The following ATP10A variants were observed in gnomAD, a reference collection of about 807,000 sequenced individuals.
The protein encoded by ATP10A is ATPase phospholipid transporting 10A (putative), also known as phospholipid-transporting ATPase VA.
A neutral mutation model predicts 147.8 loss-of-function variants in ATP10A; 111 were observed. That is an observed-to-expected ratio of 0.75 (90% confidence interval 0.64 to 0.88). The LOEUF (loss-of-function observed/expected upper bound fraction) is 0.88. Ranked by LOEUF, ATP10A falls within the 40% of genes least tolerant of loss-of-function variation. ATP10A has a pLI of 0.00. For synonymous variants in ATP10A, 875 were observed against 841.6 expected (o/e 1.04, Z -0.69); for missense variants, 1,927 against 1,959.0 (o/e 0.98, Z 0.31).
At chr15:25,837,523 A>G (rs1892647290) in intron 1 of ATP10A, among the ~76,000 whole-genome samples, 1 of 152,158 alleles carries the variant, frequency 6.6e-6, no homozygotes, top group Non-Finnish European at 1.5e-5. Flanking sequence ...CGGTAGTCAC[A>G]GGGCAGGAAG....
chr15:25,850,761 G>C lies in ATP10A; in HGVS notation c.449+11887C>G, dbSNP rs1230414136. Among the ~76,000 whole-genome samples the C allele has an allele frequency of 2.0e-5, 3 of 151,474 alleles. No homozygotes were observed. The Admixed American group carries it at 2.0e-4, about 10-fold the overall frequency. ...TGCACAGAGCACCTAAGGGCCCAAA[G>C]ATCACATCTGAACAAAGGATGGAAC... On this transcript the variant is annotated intron_variant, in intron 1 of 20. Transcript: ENST00000555815.
At chr15:25,691,104 G>T (rs930461150) in intron 15 of ATP10A, among the ~76,000 whole-genome samples, 2 of 152,148 alleles carry the variant, frequency 1.3e-5, no homozygotes, top group Admixed American at 6.5e-5. Context: ...CGGATAAATT[G>T]TTCCCTAAAA....
At chr15:25,858,158 C>T (rs1359267896) in intron 1 of ATP10A, among the ~76,000 whole-genome samples, 3 of 152,130 alleles carry the variant, frequency 2.0e-5, no homozygotes, top group Non-Finnish European at 2.9e-5. Context: ...ATTCCGCAAG[C>T]GTCCAGTGCC....
chr15:25,687,702 C>T lies in ATP10A; in HGVS notation c.3291+1G>A, dbSNP rs1021461355. On this transcript the variant is annotated splice_donor_variant, in intron 16 of 20. Transcript: ENST00000555815. LOFTEE classifies it high-confidence loss of function. ...ACTCTAGACAGGTATCCAATACCTACTGTGTTTTTGTAGAAGAAGTACAGC... is the reference window on the plus strand; with the variant it reads ...ACTCTAGACAGGTATCCAATACCTATTGTGTTTTTGTAGAAGAAGTACAGC... The T allele has an allele frequency of 1.3e-6, 2 of 1,587,672 alleles. No individual in the cohort carries two copies. The highest frequency in any genetic ancestry group is 1.7e-6 in the Non-Finnish European group (2 of 1,164,578).
intron 1 of ATP10A, among the ~76,000 whole-genome samples, chr15:25,782,924 C>A (rs1387219556): frequency 6.6e-6 from 1 of 152,000 alleles, no homozygotes; most frequent in Non-Finnish European, 1.5e-5. Context: ...AATCCCAGCA[C>A]TTTGGGAAGC....
intron 1 of ATP10A, among the ~76,000 whole-genome samples, chr15:25,847,591 A>G (rs1023372410): frequency 1.5e-5 from 2 of 129,960 alleles, no homozygotes; most frequent in Admixed American, 8.6e-5. Context: ...ATTCCTAGCT[A>G]ATTCAAACAG....
intron 1 of ATP10A, among the ~76,000 whole-genome samples, chr15:25,825,223 A>T (rs186662578): frequency 6.6e-6 from 1 of 152,268 alleles, no homozygotes; most frequent in Admixed American, 6.5e-5. Context: ...ACATTTGTCA[A>T]ATTAGAGGCA....
rs116826714 is a variant in ATP10A, at chr15:25,694,576, C to T, written c.3088+243G>A. ...AACAGGGTAAGCTCCATCTTGTTGCCGTAAAGCAGCACCGGATTACTGACC... is the reference window on the plus strand; with the variant it reads ...AACAGGGTAAGCTCCATCTTGTTGCTGTAAAGCAGCACCGGATTACTGACC... On this transcript the variant is annotated intron_variant, in intron 14 of 20. Coordinates refer to ENST00000555815, the MANE Select transcript of ATP10A (RefSeq NM_024490.4). 4.6e-5 allele frequency among the ~76,000 whole-genome samples: 7 copies of T among 152,322 alleles called. No individual in the cohort carries two copies. The East Asian group carries it at 5.8e-4, about 13-fold the overall frequency.
At position 25,721,648 on chromosome 15, in the gene ATP10A, C is replaced by A; in HGVS notation, c.1363+9G>T. 6.2e-7 allele frequency: 1 copy of A among 1,610,352 alleles called. No individual in the cohort carries two copies. Among genetic ancestry groups the A allele is most frequent in the Non-Finnish European group, 8.5e-7 (1 of 1,177,004 alleles). ...GCCTGGGTTGGGAGCCCCGCACCCC[C>A]AGACTCACCATTTGCATCATGAGAA... On this transcript the variant is annotated intron_variant, in intron 7 of 20. Coordinates refer to ENST00000555815, the MANE Select transcript of ATP10A (RefSeq NM_024490.4).
intron 1 of ATP10A, among the ~76,000 whole-genome samples, chr15:25,782,730 A>T (rs1375312707): frequency 6.6e-6 from 1 of 152,240 alleles, no homozygotes; most frequent in Non-Finnish European, 1.5e-5. Flanking sequence ...CTGGAATAAC[A>T]GGCTAACTAA....
At chr15:25,722,159 A>C (rs774230612) in intron 6 of ATP10A, among the ~76,000 whole-genome samples, 99 of 152,184 alleles carry the variant, frequency 6.5e-4, no homozygotes, top group Non-Finnish European at 1.3e-3. Flanking sequence ...GTCTGGAAGT[A>C]TGGTACCCAT....
chr15:25,785,207 C>T (rs1890100487), intron 1 of ATP10A, among the ~76,000 whole-genome samples: 1 of 151,914 alleles, frequency 6.6e-6, no homozygotes, highest in African/African-American at 2.4e-5. Flanking sequence ...AACTGTGTCC[C>T]CCGAGAGACT....
chr15:25,694,748 TG>T, intron 14 of ATP10A, 70 bp downstream of exon 14: 1 of 1,333,996 alleles, frequency 7.5e-7, no homozygotes. Context: ...CATCTCGTGG[TG>T]TAGCATGGAA....
In ATP10A at chr15:25,713,971, G is replaced by T; in HGVS notation, c.2047C>A (p.Gln683Lys). 1 of 1,609,918 alleles carries T rather than the reference G, an allele frequency of 6.2e-7. No homozygotes were observed. Among genetic ancestry groups the T allele is most frequent in the South Asian group, 1.1e-5 (1 of 91,070 alleles). The change falls in exon 10 of 21, where the codon CAG becomes AAG. Residue 683 changes from glutamine (Q) to lysine (K), a missense_variant. Physicochemically the swap from Gln to Lys is moderately conservative, Grantham distance 53. Coordinates refer to ENST00000555815, the MANE Select transcript of ATP10A (RefSeq NM_024490.4). ...AGCTCGCGCTCTGACTCCTGCTCCT[G>T]AGCAAGCTCCGAGGCCCAGTTGTCC... ...QADNWASELA[Q>K]EQESERELRY...
intron 1 of ATP10A, among the ~76,000 whole-genome samples, chr15:25,826,322 G>A (rs917819342): frequency 6.6e-6 from 1 of 152,170 alleles, no homozygotes; most frequent in African/African-American, 2.4e-5. Context: ...CACTTTGGGA[G>A]GCCTAGGTGG....
At chr15:25,853,943 GA>G (rs1293654735) in intron 1 of ATP10A, among the ~76,000 whole-genome samples, 4 of 104,396 alleles carry the variant, frequency 3.8e-5, no homozygotes, top group South Asian at 3.4e-4. Flanking sequence ...CCCTGTCTCA[GA>G]AAAAAAAAGA....
chr15:25,777,147 G>A (rs1476673880), intron 2 of ATP10A, among the ~76,000 whole-genome samples: 2 of 150,964 alleles, frequency 1.3e-5, no homozygotes, highest in East Asian at 3.9e-4. Context: ...ACTCCCTCCA[G>A]GTTTCTCCAG....
intron 1 of ATP10A, among the ~76,000 whole-genome samples, chr15:25,812,149 C>A (rs1332569037): frequency 1.3e-5 from 2 of 152,238 alleles, no homozygotes; most frequent in East Asian, 1.9e-4. Context: ...GGAGTTAAAT[C>A]AACCAAAATG....
intron 19 of ATP10A, 82 bp from the exon 20 acceptor site, chr15:25,680,390 C>A: frequency 7.0e-7 from 1 of 1,430,948 alleles, no homozygotes; most frequent in Non-Finnish European, 9.7e-7. Context: ...TGCCAGTCAT[C>A]AATGAGCAGG....
Sources: gnomAD v4.1 joint callset for allele counts (sites outside exome capture counted in the v4.1 genomes callset) on GRCh38, gnomAD v4.1.1 for gene constraint, MANE v1.5 for transcripts, NCBI Gene and HGNC (gene_info 2026-07-23, HGNC 2026-07-21) for gene names.